AGO2: variants seen among roughly 807,000 people sequenced by gnomAD.
AGO2 encodes the protein protein argonaute-2.
A neutral mutation model predicts 102.3 loss-of-function variants in AGO2; 5 were observed. The ratio of observed to expected loss-of-function variants is 0.05; its 90% CI spans 0.03 to 0.10. AGO2 has a LOEUF of 0.10. Among genes scored for constraint, AGO2 ranks in the 10% least tolerant of loss-of-function variants. The probability of loss-of-function intolerance (pLI) is 1.00; values close to 1 mark genes in which losing one functional copy is unlikely to be tolerated. For missense variants in AGO2, 541 were observed against 1,183.7 expected (o/e 0.46, Z 7.97); for synonymous variants, 449 against 473.1 (o/e 0.95, Z 0.66).
At chr8:140,553,806 C>T (rs1039334067) in intron 10 of AGO2, among the ~76,000 whole-genome samples, 1 of 152,168 alleles carries the variant, frequency 6.6e-6, no homozygotes, top group African/African-American at 2.4e-5. Context: ...TCAAGTGGTT[C>T]TCCTGCCTCA....
At chr8:140,584,228 C>T (rs1200074004) in intron 2 of AGO2, among the ~76,000 whole-genome samples, 1 of 150,340 alleles carries the variant, frequency 6.7e-6, no homozygotes, top group Non-Finnish European at 1.5e-5. Context: ...TATATAAACA[C>T]ATGGAAAGAT....
chr8:140,568,282 T>TG (rs1235148570), intron 3 of AGO2, among the ~76,000 whole-genome samples: 88 of 35,290 alleles, frequency 2.5e-3, no homozygotes, highest in African/African-American at 6.3e-3. Context: ...AGACCATGTC[T>TG]GGGGGAAAAA....
At chr8:140,556,428 G>T in intron 8 of AGO2, 142 bp from the exon 9 acceptor site, 1 of 1,076,816 alleles carries the variant, frequency 9.3e-7, no homozygotes, top group East Asian at 2.5e-5. Flanking sequence ...CTGTGCAGGT[G>T]TCTGCTGTGG....
At chr8:140,559,986 C>G (rs2073169720) in intron 5 of AGO2, among the ~76,000 whole-genome samples, 1 of 148,126 alleles carries the variant, frequency 6.8e-6, no homozygotes, top group African/African-American at 2.6e-5. Flanking sequence ...GGCCTTCACT[C>G]TCGTCTTTTT....
chr8:140,615,098 A>T (rs1172413941), intron 1 of AGO2, among the ~76,000 whole-genome samples: 1 of 152,176 alleles, frequency 6.6e-6, no homozygotes, highest in East Asian at 1.9e-4. Flanking sequence ...TGAAATAAAC[A>T]AAAGCAGGCT....
chr8:140,627,909 T>C (rs1282488075), intron 1 of AGO2, among the ~76,000 whole-genome samples: 3 of 152,160 alleles, frequency 2.0e-5, no homozygotes, highest in African/African-American at 7.2e-5. Context: ...CCCCCAGGGC[T>C]GCTGCCCCCA....
intron 1 of AGO2, among the ~76,000 whole-genome samples, chr8:140,618,322 GAAAAA>G (rs1190190120): frequency 2.3e-5 from 3 of 131,396 alleles, no homozygotes; most frequent in African/African-American, 8.5e-5. Flanking sequence ...TCCGTCTCAG[GAAAAA>G]AAAAAAAAAA....
intron 11 of AGO2, 31 bp from the exon 12 acceptor site, chr8:140,549,329 C>A (rs147541004): frequency 1.3e-6 from 2 of 1,552,822 alleles, no homozygotes; most frequent in Non-Finnish European, 1.7e-6. Flanking sequence ...CACTACCGGG[C>A]ACTGGGAATG....
chr8:140,566,229 A>G (rs147435696), intron 3 of AGO2, among the ~76,000 whole-genome samples: 2 of 152,224 alleles, frequency 1.3e-5, no homozygotes, highest in African/African-American at 4.8e-5. Context: ...CAGTGATCCA[A>G]TTGGTTTATC....
At chr8:140,555,035 A>C (rs1035740719) in intron 10 of AGO2, among the ~76,000 whole-genome samples, 3 of 152,178 alleles carry the variant, frequency 2.0e-5, no homozygotes, top group Non-Finnish European at 4.4e-5. Context: ...CAAAAAACAA[A>C]CCAAAACCTC....
intron 1 of AGO2, among the ~76,000 whole-genome samples, chr8:140,602,663 G>A (rs1049136654): frequency 1.3e-5 from 2 of 152,154 alleles, no homozygotes; most frequent in African/African-American, 4.8e-5. Flanking sequence ...AATGAATACA[G>A]CTCCCTGAGG....
chr8:140,621,320 C>T (rs578232929), intron 1 of AGO2, among the ~76,000 whole-genome samples: 35 of 152,328 alleles, frequency 2.3e-4, no homozygotes, highest in African/African-American at 8.2e-4. Flanking sequence ...TCCTACTGGA[C>T]CAAGCACTTG....
chr8:140,627,281 C>A (rs1216420964), intron 1 of AGO2, among the ~76,000 whole-genome samples: 1 of 152,240 alleles, frequency 6.6e-6, no homozygotes, highest in Non-Finnish European at 1.5e-5. Context: ...GCAAACTCCT[C>A]CAACAAGTCA....
rs1424958976 is a variant in AGO2 at position 140,557,403 on chromosome 8, T to C, written c.879-167A>G. Among the ~76,000 whole-genome samples, 1 of 152,240 alleles carries C rather than the reference T, an allele frequency of 6.6e-6. No homozygotes were observed. Among genetic ancestry groups the C allele is most frequent in the Non-Finnish European group, 1.5e-5 (1 of 68,032 alleles). The stretch of plus-strand genomic sequence containing the variant: ...TGCTTTGGGTTATCTGGAATGTTTC[T>C]GAGCCCCTAAATTCTCATTTTGTTT... On this transcript the variant is annotated intron_variant, in intron 7 of 18. Coordinates refer to ENST00000220592, the MANE Select transcript of AGO2 (RefSeq NM_012154.5). This position sits in a 1 kb window ranked among gnomAD's most constrained non-coding sequence, Gnocchi z 5.9.
intron 8 of AGO2, 145 bp from the exon 9 acceptor site, chr8:140,556,431 T>C: frequency 9.5e-7 from 1 of 1,049,636 alleles, no homozygotes; most frequent in Non-Finnish European, 1.4e-6. Context: ...TGCAGGTGTC[T>C]GCTGTGGGGG....
At chr8:140,559,676 G>T in intron 5 of AGO2, 147 bp from the exon 6 acceptor site, 1 of 1,043,764 alleles carries the variant, frequency 9.6e-7, no homozygotes, top group Non-Finnish European at 1.4e-6. Flanking sequence ...CTAGCCTCAG[G>T]CCCAGACACG....
chr8:140,547,864 C>G (rs1158539466), intron 12 of AGO2, among the ~76,000 whole-genome samples: 2 of 152,244 alleles, frequency 1.3e-5, no homozygotes, highest in South Asian at 4.1e-4. Flanking sequence ...CCCGCCTCGC[C>G]CAGGCCAGGC....
At chr8:140,594,641 T>C (rs1038647141) in intron 1 of AGO2, among the ~76,000 whole-genome samples, 3 of 151,544 alleles carry the variant, frequency 2.0e-5, no homozygotes, top group African/African-American at 7.3e-5. Context: ...AAATAAAAAA[T>C]AAAAATAAAT....
In AGO2 at chr8:140,539,528, C is replaced by T; in HGVS notation, c.2035-74G>A. ...TGAGCAACGGTCCCACGTGCGGGTT[C>T]TGGGTTGAGAACACCCAGCCGTGGT... On this transcript the variant is annotated intron_variant, in intron 15 of 18. Transcript: ENST00000220592. The surrounding 1 kb of genome is among the most constrained non-coding windows in gnomAD (Gnocchi z 4.7). 1 of 1,526,798 alleles carries T rather than the reference C, an allele frequency of 6.5e-7. No homozygotes were observed. The highest frequency in any genetic ancestry group is 1.3e-5 in the South Asian group (1 of 79,662). The allele number at this position is 1,526,798 out of a possible 1,614,324, so 94.6% of individuals were successfully genotyped here.
Sources: gnomAD v4.1 joint callset for allele counts (sites outside exome capture counted in the v4.1 genomes callset) on GRCh38, gnomAD v4.1.1 for gene constraint, Gnocchi (gnomAD v3.1) non-coding constraint, MANE v1.5 for transcripts, NCBI Gene and HGNC (gene_info 2026-07-23, HGNC 2026-07-21) for gene names.